The following SGCD variants were observed in gnomAD, a reference collection of about 807,000 sequenced individuals.
The protein encoded by SGCD is delta-sarcoglycan.
SGCD carries 18 observed loss-of-function variants against 36.6 expected under a neutral mutation model. That is an observed-to-expected ratio of 0.49 (90% confidence interval 0.34 to 0.73). The LOEUF is 0.73. Ranked by LOEUF, SGCD falls within the 30% of genes least tolerant of loss-of-function variation. The pLI is 0.01. For synonymous variants in SGCD, 133 were observed against 130.6 expected, an observed-to-expected ratio of 1.02 and a Z score of -0.12; for missense variants, 387 against 346.7, an observed-to-expected ratio of 1.12 and a Z score of -0.92.
chr5:155,885,998 T>C (rs561866474), intron 1 of SGCD, among the ~76,000 whole-genome samples: 9 of 152,218 alleles, frequency 5.9e-5, no homozygotes, highest in Admixed American at 1.3e-4. Flanking sequence ...TTTATCATCA[T>C]CATTGTTATT....
intron 7 of SGCD, among the ~76,000 whole-genome samples, chr5:156,705,881 A>G (rs1224945440): frequency 6.6e-6 from 1 of 152,148 alleles, no homozygotes. Context: ...GATGTGACTT[A>G]CATCTTGTCC....
chr5:155,967,641 A>C (rs1208192703), intron 1 of SGCD, among the ~76,000 whole-genome samples: 1 of 152,044 alleles, frequency 6.6e-6, no homozygotes, highest in Non-Finnish European at 1.5e-5. Flanking sequence ...ATGCTCTTTA[A>C]AGGCTCTCCA....
intron 7 of SGCD, among the ~76,000 whole-genome samples, chr5:156,698,056 A>G (rs781585700): frequency 3.9e-5 from 6 of 152,148 alleles, no homozygotes; most frequent in Non-Finnish European, 8.8e-5. Context: ...CACATTTGCT[A>G]TTATAATTGA....
intron 1 of SGCD, among the ~76,000 whole-genome samples, chr5:155,889,601 T>C (rs1756078790): frequency 6.6e-6 from 1 of 152,238 alleles, no homozygotes; most frequent in African/African-American, 2.4e-5. Flanking sequence ...TATTAGCTCT[T>C]GGATCTTATT....
At chr5:156,503,425 T>A (rs1756544226) in intron 3 of SGCD, among the ~76,000 whole-genome samples, 1 of 152,120 alleles carries the variant, frequency 6.6e-6, no homozygotes, top group South Asian at 2.1e-4. Flanking sequence ...TAAAAATGAA[T>A]GGTGTTAGGC....
At chr5:156,116,864 T>A (rs1470365901) in intron 1 of SGCD, among the ~76,000 whole-genome samples, 3 of 152,148 alleles carry the variant, frequency 2.0e-5, no homozygotes, top group Non-Finnish European at 4.4e-5. Flanking sequence ...GAGACTCTTC[T>A]TTTTGAGTGC....
At chr5:156,083,651 T>C (rs1053359092) in intron 1 of SGCD, among the ~76,000 whole-genome samples, 1 of 151,448 alleles carries the variant, frequency 6.6e-6, no homozygotes, top group African/African-American at 2.4e-5. Context: ...ATTTAAAGAC[T>C]CTTTTCCAAG....
Position 156,423,401 on chromosome 5 carries a change from T to TTATAA in SGCD, c.192+78734_192+78738dup, listed in dbSNP as rs1220679469. On this transcript the variant is annotated intron_variant, in intron 3 of 8. Coordinates refer to ENST00000337851, the MANE Select transcript of SGCD (RefSeq NM_000337.6). ...TTATAATATAATATATTATATTTTATTATAATATAATATATTATATTTTAA... is the reference window on the plus strand; with the variant it reads ...TTATAATATAATATATTATATTTTATTATAATATAATATAATATATTATATTTTAA... Among the ~76,000 whole-genome samples, 71 of 98,806 alleles carry TTATAA rather than the reference T, an allele frequency of 7.2e-4. 3 individuals carry two copies. Among genetic ancestry groups the TTATAA allele is most frequent in the East Asian group, 3.2e-3 (12 of 3,798 alleles). The allele number at this position is 98,806 out of a possible 152,430, so 64.8% of individuals were successfully genotyped here.
chr5:156,422,636 A>G (rs534501712), intron 3 of SGCD, among the ~76,000 whole-genome samples: 50 of 152,132 alleles, frequency 3.3e-4, no homozygotes, highest in African/African-American at 1.2e-3. Flanking sequence ...GTTTCCTTAT[A>G]TATAAAGCAG....
intron 3 of SGCD, among the ~76,000 whole-genome samples, chr5:156,160,363 G>T (rs923157987): frequency 6.6e-6 from 1 of 151,436 alleles, no homozygotes; most frequent in Non-Finnish European, 1.5e-5. Context: ...TATTAAAAAA[G>T]CTTCACTTTC....
At chr5:156,637,621 C>T (rs1040084147) in intron 6 of SGCD, among the ~76,000 whole-genome samples, 13 of 152,216 alleles carry the variant, frequency 8.5e-5, no homozygotes, top group East Asian at 1.9e-4. Context: ...CCCCTAGCTT[C>T]AAGGGAGTCT....
chr5:156,423,320 A>T (rs1482038248), intron 3 of SGCD, among the ~76,000 whole-genome samples: 388 of 7,364 alleles, frequency 0.053, 1 homozygote, highest in East Asian at 0.076. Flanking sequence ...TTATAATATA[A>T]TATATTTTAT....
intron 3 of SGCD, among the ~76,000 whole-genome samples, chr5:156,410,390 G>C (rs947769051): frequency 6.6e-6 from 1 of 152,044 alleles, no homozygotes; most frequent in Non-Finnish European, 1.5e-5. Context: ...TACTGGGGAG[G>C]GGGGCAAGGA....
At chr5:156,183,784 G>A (rs1763666061) in intron 3 of SGCD, among the ~76,000 whole-genome samples, 1 of 152,192 alleles carries the variant, frequency 6.6e-6, no homozygotes, top group Non-Finnish European at 1.5e-5. Flanking sequence ...AGAGGAAGGG[G>A]AGAGAAAGTA....
At chr5:156,715,563 A>G (rs1206596122) in intron 7 of SGCD, among the ~76,000 whole-genome samples, 4 of 152,200 alleles carry the variant, frequency 2.6e-5, no homozygotes, top group Admixed American at 1.3e-4. Flanking sequence ...TGGAGCTGCT[A>G]TGAGTTTCTA....
At chr5:156,016,995 G>T (rs1581044010) in intron 1 of SGCD, among the ~76,000 whole-genome samples, 1 of 152,110 alleles carries the variant, frequency 6.6e-6, no homozygotes, top group Non-Finnish European at 1.5e-5. Context: ...TTCTGTTGGG[G>T]TTTTACCTTT....
At chr5:155,872,166 A>T (rs1326776969) in intron 1 of SGCD, among the ~76,000 whole-genome samples, 2 of 152,206 alleles carry the variant, frequency 1.3e-5, no homozygotes, top group Non-Finnish European at 2.9e-5. Context: ...AGAAGAGGAA[A>T]TTAATGAGTT....
intron 3 of SGCD, among the ~76,000 whole-genome samples, chr5:156,446,603 A>C (rs920043248): frequency 1.3e-5 from 2 of 152,206 alleles, no homozygotes; most frequent in Non-Finnish European, 2.9e-5. Flanking sequence ...TATCTTAGGC[A>C]ACCATTCAAA....
At chr5:156,072,161 G>T (rs1236517291) in intron 1 of SGCD, among the ~76,000 whole-genome samples, 2 of 149,396 alleles carry the variant, frequency 1.3e-5, no homozygotes, top group African/African-American at 5.2e-5. Flanking sequence ...GTGTGAATTT[G>T]ATCCTGTCAT....
Sources: gnomAD v4.1 joint callset for allele counts (sites outside exome capture counted in the v4.1 genomes callset) on GRCh38, gnomAD v4.1.1 for gene constraint, MANE v1.5 for transcripts, NCBI Gene and HGNC (gene_info 2026-07-23, HGNC 2026-07-21) for gene names.